Variants in GCNT2 observed in about 807,000 individuals in gnomAD.
GCNT2 encodes glucosaminyl (N-acetyl) transferase 2 (I blood group).
GCNT2 carries 34 observed loss-of-function variants against 34.2 expected under a neutral mutation model. The observed-to-expected ratio is 1.00, with a 90% CI of 0.76 to 1.32. GCNT2 has a LOEUF of 1.32. Ranked by LOEUF, GCNT2 falls within the 40% of genes most tolerant of loss-of-function variation. The pLI, the probability that GCNT2 is intolerant of heterozygous loss-of-function variation, is 0.00. For missense variants in GCNT2, 584 were observed against 489.4 expected, an observed-to-expected ratio of 1.19 and a Z score of -1.82; for synonymous variants, 212 against 188.0, an observed-to-expected ratio of 1.13 and a Z score of -1.04.
chr6:10,554,492 T>C (rs1193543833), intron 3 of GCNT2, among the ~76,000 whole-genome samples: 1 of 152,214 alleles, frequency 6.6e-6, no homozygotes. Flanking sequence ...TTGGAAACAA[T>C]AATGTAAACA....
Position 10,612,550 on chromosome 6 carries a change from C to T in GCNT2, c.926-8801C>T, listed in dbSNP as rs1045295084. ...CTGCTTTAGATTATAGTAAAAAAAGCGGTCTTTTCCACAGAAACATTATCC... is the reference window on the plus strand; with the variant it reads ...CTGCTTTAGATTATAGTAAAAAAAGTGGTCTTTTCCACAGAAACATTATCC... On this transcript the variant is annotated intron_variant, in intron 3 of 4. Coordinates refer to ENST00000495262, the MANE Select transcript of GCNT2 (RefSeq NM_145649.5). Among the ~76,000 whole-genome samples, 37 of 152,224 alleles carry T rather than the reference C, an allele frequency of 2.4e-4. 2 individuals are homozygous for T. The highest frequency in any genetic ancestry group is 4.2e-4 in the South Asian group (2 of 4,816).
intron 3 of GCNT2, among the ~76,000 whole-genome samples, chr6:10,596,228 T>G (rs1356618020): frequency 1.3e-5 from 2 of 152,124 alleles, no homozygotes; most frequent in African/African-American, 4.8e-5. Context: ...TGCGGTTTGT[T>G]AAGATTTCCA....
intron 3 of GCNT2, among the ~76,000 whole-genome samples, chr6:10,553,931 C>T (rs1762586003): frequency 6.6e-6 from 1 of 152,100 alleles, no homozygotes; most frequent in South Asian, 2.1e-4. Flanking sequence ...ATAATGTCTG[C>T]AAAATAAAAG....
chr6:10,617,743 A>ATTTTTTTTTTTTTTTTTTTTT (rs1254996839), intron 3 of GCNT2, among the ~76,000 whole-genome samples: 2 of 112,800 alleles, frequency 1.8e-5, no homozygotes, highest in Middle Eastern at 4.3e-3. Context: ...CAGAGTCTGC[A>ATTTTTTTTTTTTTTTTTTTTT]TTTCTTCTTT....
At position 10,629,224 on chromosome 6, in the gene GCNT2, C is replaced by T. The variant is rs1766387764; in HGVS notation, c.*2617C>T. On this transcript the variant is annotated 3_prime_UTR_variant, in exon 5 of 5. Coordinates refer to ENST00000495262, the MANE Select transcript of GCNT2 (RefSeq NM_145649.5). Reference sequence around the variant, plus strand: ...GGTCATCTCTCCTGTGTCTTAAATACTTTAATGTTGGAAGAGCATAGTGTT... The same window carrying T: ...GGTCATCTCTCCTGTGTCTTAAATATTTTAATGTTGGAAGAGCATAGTGTT... 1 of 152,634 alleles carries T rather than the reference C, an allele frequency of 6.6e-6. No homozygotes were observed. Among genetic ancestry groups the T allele is most frequent in the African/African-American group, 2.4e-5 (1 of 41,444 alleles). 9.5% of individuals were successfully genotyped at this position (152,634 alleles called of 1,614,324 possible). A position where few individuals can be genotyped will look rare whatever the true frequency, so the allele number is the denominator to read the frequency against.
At chr6:10,564,761 G>C (rs1260158726) in intron 3 of GCNT2, among the ~76,000 whole-genome samples, 1 of 152,220 alleles carries the variant, frequency 6.6e-6, no homozygotes, top group African/African-American at 2.4e-5. Flanking sequence ...TATTGTTATT[G>C]TATTTTCATC....
chr6:10,549,179 C>A (rs1483334474), intron 3 of GCNT2, among the ~76,000 whole-genome samples: 1 of 152,200 alleles, frequency 6.6e-6, no homozygotes, highest in Non-Finnish European at 1.5e-5. Context: ...CATCCTACAA[C>A]ACACAGCCCT....
chr6:10,614,663 T>C (rs1581485301), intron 3 of GCNT2, among the ~76,000 whole-genome samples: 1 of 145,514 alleles, frequency 6.9e-6, no homozygotes, highest in African/African-American at 2.6e-5. Context: ...AGAAGAAAGG[T>C]AGAAGAAATG....
Position 10,528,738 on chromosome 6 carries a change from G to A in GCNT2, c.-174G>A. 3.1e-6 allele frequency: 2 copies of A among 646,942 alleles called. No homozygotes were observed. Among genetic ancestry groups the A allele is most frequent in the South Asian group, 1.8e-5 (1 of 56,524 alleles). The allele number at this position is 646,942 out of a possible 1,614,324, so 40.1% of individuals were successfully genotyped here. The stretch of plus-strand genomic sequence containing the variant: ...TGCAACCTAGTGGTAAGTGAAGAGG[G>A]GAAGAAGAAAGAAAAAGGACCAGAA... On this transcript the variant is annotated 5_prime_UTR_variant, in exon 3 of 5. Transcript: ENST00000495262.
At chr6:10,581,038 G>C (rs753576968) in intron 3 of GCNT2, among the ~76,000 whole-genome samples, 8 of 152,160 alleles carry the variant, frequency 5.3e-5, no homozygotes, top group Non-Finnish European at 1.0e-4. Flanking sequence ...TAATGCCCTG[G>C]TTGGAAGTTA....
At chr6:10,589,648 C>A (rs1764547842) in intron 3 of GCNT2, among the ~76,000 whole-genome samples, 1 of 152,068 alleles carries the variant, frequency 6.6e-6, no homozygotes, top group Non-Finnish European at 1.5e-5. Flanking sequence ...AGCAACCAGG[C>A]AGATTTGAAA....
intron 3 of GCNT2, among the ~76,000 whole-genome samples, chr6:10,580,089 A>T (rs895004807): frequency 3.9e-5 from 6 of 152,260 alleles, no homozygotes; most frequent in African/African-American, 1.2e-4. Flanking sequence ...GATTTAAAGG[A>T]TGTAAGCTTT....
At chr6:10,622,390 C>T (rs993854700) in intron 4 of GCNT2, among the ~76,000 whole-genome samples, 3 of 151,906 alleles carry the variant, frequency 2.0e-5, no homozygotes, top group Non-Finnish European at 4.4e-5. Flanking sequence ...CTCTGCTTGG[C>T]TTGTAGATAG....
At chr6:10,621,665 T>C in intron 4 of GCNT2, 1 of 521,722 alleles carries the variant, frequency 1.9e-6, no homozygotes, top group Non-Finnish European at 3.5e-6. Flanking sequence ...GATGGAAAAA[T>C]GGGTTCAAAT....
At chr6:10,565,332 C>A (rs1763227921) in intron 3 of GCNT2, among the ~76,000 whole-genome samples, 1 of 152,170 alleles carries the variant, frequency 6.6e-6, no homozygotes. Context: ...TGCCACAGGC[C>A]TGTTTTCTGT....
At chr6:10,526,300 C>T (rs1761181378) in intron 1 of GCNT2, among the ~76,000 whole-genome samples, 1 of 152,158 alleles carries the variant, frequency 6.6e-6, no homozygotes, top group African/African-American at 2.4e-5. Context: ...CCAGAAGCAA[C>T]TGAGAACTGA....
intron 3 of GCNT2, chr6:10,586,597 T>A: frequency 6.2e-7 from 1 of 1,614,168 alleles, no homozygotes; most frequent in East Asian, 2.2e-5. Context: ...AACCGGGAGA[T>A]AGTTCAGCAT....
In GCNT2 at chr6:10,628,687, G is replaced by A. The variant is rs1194921911; in HGVS notation, c.*2080G>A. On this transcript the variant is annotated 3_prime_UTR_variant, in exon 5 of 5. Transcript: ENST00000495262. ...GTAAGGGAAGTTTAGATGAGGTCAC[G>A]AGGGTAGGACCCTCATGATGGGATG... 1 of 152,400 alleles carries A rather than the reference G, an allele frequency of 6.6e-6. No homozygotes were observed. Among genetic ancestry groups the A allele is most frequent in the South Asian group, 2.1e-4 (1 of 4,830 alleles). The allele number at this position is 152,400 out of a possible 1,614,324, so 9.4% of individuals were successfully genotyped here.
chr6:10,594,296 G>A (rs1448915801), intron 3 of GCNT2, among the ~76,000 whole-genome samples: 1 of 152,160 alleles, frequency 6.6e-6, no homozygotes, highest in African/African-American at 2.4e-5. Context: ...TGCAGCAAAT[G>A]CCGATTCTGT....
Sources: gnomAD v4.1 joint callset for allele counts (sites outside exome capture counted in the v4.1 genomes callset) on GRCh38, gnomAD v4.1.1 for gene constraint, MANE v1.5 for transcripts, NCBI Gene and HGNC (gene_info 2026-07-23, HGNC 2026-07-21) for gene names.